Variants in EPM2A observed in about 807,000 individuals in gnomAD.
EPM2A encodes the protein laforin.
EPM2A carries 21 observed loss-of-function variants against 26.5 expected under a neutral mutation model. The ratio of observed to expected loss-of-function variants is 0.79; its 90% CI spans 0.56 to 1.14. EPM2A has a LOEUF of 1.14. Among genes scored for constraint, EPM2A ranks in the 50% most tolerant of loss-of-function variants. EPM2A has a pLI of 0.00. For synonymous variants in EPM2A, 217 were observed against 177.6 expected (o/e 1.22, Z -1.76); for missense variants, 458 against 440.8 (o/e 1.04, Z -0.35).
intron 1 of EPM2A, among the ~76,000 whole-genome samples, chr6:145,728,972 G>C (rs764465852): frequency 9.9e-5 from 15 of 152,120 alleles, no homozygotes; most frequent in Admixed American, 2.0e-4. Flanking sequence ...CTGAATCCTA[G>C]CTTCTCCACC....
chr6:145,508,820 T>C (rs403956), intron 2 of EPM2A, among the ~76,000 whole-genome samples: 40,664 of 152,042 alleles, frequency 0.27, 5,939 homozygotes, highest in South Asian at 0.38. Flanking sequence ...ATACAAGAGA[T>C]AAGTTAAAAT....
intron 2 of EPM2A, among the ~76,000 whole-genome samples, chr6:145,648,706 A>T (rs929038010): frequency 2.0e-5 from 3 of 152,048 alleles, no homozygotes; most frequent in Non-Finnish European, 4.4e-5. Flanking sequence ...TTGTCTAGGC[A>T]CTCCCAAATG....
intron 2 of EPM2A, among the ~76,000 whole-genome samples, chr6:145,511,178 A>G (rs1285599015): frequency 6.6e-6 from 1 of 152,190 alleles, no homozygotes; most frequent in African/African-American, 2.4e-5. Context: ...GCTAAATTCC[A>G]CCAGATGTAC....
intron 2 of EPM2A, among the ~76,000 whole-genome samples, chr6:145,563,464 C>A (rs1001255016): frequency 6.6e-6 from 1 of 151,564 alleles, no homozygotes; most frequent in Non-Finnish European, 1.5e-5. Context: ...GAGGAAGATG[C>A]GGTTAGAGAG....
At chr6:145,710,817 T>C (rs1370770130) in intron 1 of EPM2A, among the ~76,000 whole-genome samples, 1 of 152,062 alleles carries the variant, frequency 6.6e-6, no homozygotes, top group Non-Finnish European at 1.5e-5. Flanking sequence ...TCATGTCCTT[T>C]GTAGTGACAT....
intron 2 of EPM2A, among the ~76,000 whole-genome samples, chr6:145,670,722 A>G: frequency 6.6e-6 from 1 of 152,138 alleles, no homozygotes; most frequent in South Asian, 2.1e-4. Context: ...TATATATGAG[A>G]TAAAATATGT....
chr6:145,686,131 T>C lies in EPM2A; in HGVS notation c.467A>G (p.His156Arg). Residue 156 changes from histidine (H) to arginine (R), a missense_variant, in exon 2 of 4, where the codon CAT (histidine) becomes CGT (arginine). Transcript: ENST00000367519. ...YFNIAGHQAMHYSRILPNIWL... is the reference protein window; with the variant it reads ...YFNIAGHQAMRYSRILPNIWL... ...ATAGCACTATTTTTACCTTGAATAATGCATGGCTTGGTGGCCTGCAATATT... is the reference window on the plus strand; with the variant it reads ...ATAGCACTATTTTTACCTTGAATAACGCATGGCTTGGTGGCCTGCAATATT... The C allele has an allele frequency of 1.2e-6, 2 of 1,613,700 alleles. No individual in the cohort carries two copies. Among genetic ancestry groups the C allele is most frequent in the Non-Finnish European group, 1.7e-6 (2 of 1,179,656 alleles).
At chr6:145,417,497 A>G (rs1243086780) in intron 4 of EPM2A, among the ~76,000 whole-genome samples, 3 of 152,146 alleles carry the variant, frequency 2.0e-5, no homozygotes, top group Admixed American at 2.0e-4. Context: ...TTTTCATGGC[A>G]TAGTGCATTA....
chr6:145,679,178 A>G (rs1314858083), intron 2 of EPM2A, among the ~76,000 whole-genome samples: 2 of 150,678 alleles, frequency 1.3e-5, no homozygotes, highest in Non-Finnish European at 2.9e-5. Flanking sequence ...TGTGAACTGC[A>G]CGTTCACATT....
At position 145,627,442 on chromosome 6, in the gene EPM2A, C is replaced by A. The variant is rs941854726; in HGVS notation, c.970G>T (p.Val324Phe). 8.7e-6 allele frequency: 14 copies of A among 1,614,128 alleles called. No individual in the cohort carries two copies. Among genetic ancestry groups the A allele is most frequent in the Non-Finnish European group, 1.2e-5 (14 of 1,180,062 alleles). ...TACAGGCTACACACAGAAGAACGAA[C>A]CTTCCCAAATTTCTGGAAAAAATCT... ...QEDFFQKFGKVRSSVCSL is the reference protein window; with the variant it reads ...QEDFFQKFGKFRSSVCSL Residue 324 changes from valine to phenylalanine, a missense_variant, in exon 4 of 4, where the codon GTT becomes TTT. Coordinates refer to ENST00000367519, the MANE Select transcript of EPM2A (RefSeq NM_005670.4).
intron 2 of EPM2A, among the ~76,000 whole-genome samples, chr6:145,610,335 T>C (rs1264426568): frequency 6.6e-6 from 1 of 152,236 alleles, no homozygotes; most frequent in African/African-American, 2.4e-5. Context: ...GTTTAGAAAG[T>C]TGCTTCTTAA....
chr6:145,582,616 T>C (rs1781130955), intron 2 of EPM2A, among the ~76,000 whole-genome samples: 1 of 152,256 alleles, frequency 6.6e-6, no homozygotes, highest in Non-Finnish European at 1.5e-5. Flanking sequence ...TTAGATAATC[T>C]GAAGACTATG....
At chr6:145,624,694 G>A (rs192579067), downstream of EPM2A, among the ~76,000 whole-genome samples, 1 of 152,270 alleles carries the variant, frequency 6.6e-6, no homozygotes, top group East Asian at 1.9e-4. Context: ...GCTCTTCAGT[G>A]ATTTTTCATG....
intron 4 of EPM2A, among the ~76,000 whole-genome samples, chr6:145,449,735 T>C (rs1779172448): frequency 1.3e-5 from 2 of 152,202 alleles, no homozygotes; most frequent in African/African-American, 4.8e-5. Flanking sequence ...AAATTTCAGA[T>C]TTTCAATGGA....
chr6:145,597,472 T>A (rs200008536), intron 2 of EPM2A, among the ~76,000 whole-genome samples: 6,755 of 142,786 alleles, frequency 0.047, 187 homozygotes, highest in East Asian at 0.088. Flanking sequence ...TGTTTATTTT[T>A]TTTTCTTTTT....
intron 2 of EPM2A, among the ~76,000 whole-genome samples, chr6:145,646,455 C>T (rs1453046756): frequency 2.0e-5 from 3 of 152,042 alleles, no homozygotes; most frequent in Non-Finnish European, 4.4e-5. Context: ...GGATTACAGG[C>T]GTGAACCACT....
intron 2 of EPM2A, among the ~76,000 whole-genome samples, chr6:145,505,257 A>AT (rs946887090): frequency 6.6e-6 from 1 of 151,076 alleles, no homozygotes; most frequent in South Asian, 2.1e-4. Flanking sequence ...AAAAAAAAAA[A>AT]TTTATTTTGA....
In EPM2A at chr6:145,686,251, T is replaced by A; in HGVS notation, c.347A>T (p.Asn116Ile). ...HDRCCTYNEN[N>I]LVDGVYCLPI... ...GAGACAATACACACCATCCACCAAG[T>A]TGTTTTCATTGTAAGTACAGCAACG... The change falls in exon 2 of 4, where the codon AAC becomes ATC. Residue 116 changes from asparagine (N) to isoleucine (I), a missense_variant. Asn to Ile is a moderately radical substitution (Grantham distance 149, BLOSUM62 -3). Transcript: ENST00000367519. The A allele has an allele frequency of 6.2e-7, 1 of 1,614,034 alleles. No homozygotes were observed. The highest frequency in any genetic ancestry group is 8.5e-7 in the Non-Finnish European group (1 of 1,179,912).
chr6:145,612,466 A>G (rs1056566855), intron 2 of EPM2A, among the ~76,000 whole-genome samples: 1 of 152,056 alleles, frequency 6.6e-6, no homozygotes, highest in African/African-American at 2.4e-5. Flanking sequence ...GCTCAAGAAT[A>G]ACAATTATGC....
Sources: gnomAD v4.1 joint callset for allele counts (sites outside exome capture counted in the v4.1 genomes callset) on GRCh38, gnomAD v4.1.1 for gene constraint, MANE v1.5 for transcripts, NCBI Gene and HGNC (gene_info 2026-07-23, HGNC 2026-07-21) for gene names.